The following UTP6 variants were observed in gnomAD, a reference collection of about 807,000 sequenced individuals.
UTP6 encodes U3 small nucleolar RNA-associated protein 6 homolog.
UTP6 carries 60 observed loss-of-function variants against 96.5 expected under a neutral mutation model. The ratio of observed to expected loss-of-function variants is 0.62; its 90% CI spans 0.51 to 0.77. The LOEUF is 0.77. UTP6 is among the 30% of genes least tolerant of loss of function. The probability of loss-of-function intolerance (pLI) is 0.00; values close to 1 mark genes in which losing one functional copy is unlikely to be tolerated. For synonymous variants in UTP6, 215 were observed against 240.1 expected (o/e 0.90, Z 0.96); for missense variants, 637 against 706.5 (o/e 0.90, Z 1.12).
At position 31,868,093 on chromosome 17, in the gene UTP6, A is replaced by G. The variant is rs772231800; in HGVS notation, c.1516T>C (p.Phe506Leu). Residue 506 changes from phenylalanine (F) to leucine (L), a missense_variant, in exon 17 of 19, where the codon TTT (phenylalanine) becomes CTT (leucine). Transcript: ENST00000261708. Reference sequence around the variant, plus strand: ...ATTTTCCTGAAAAAGTCAACTGAAAATGGTCGGCTCTCCTGTAAACTAAAA... The same window carrying G: ...ATTTTCCTGAAAAAGTCAACTGAAAGTGGTCGGCTCTCCTGTAAACTAAAA... ...VFKSLQESRPFSVDFFRKMIQ... is the reference protein window; with the variant it reads ...VFKSLQESRPLSVDFFRKMIQ... The G allele has an allele frequency of 1.2e-6, 2 of 1,613,446 alleles. No homozygotes were observed. Among genetic ancestry groups the G allele is most frequent in the South Asian group, 2.2e-5 (2 of 91,056 alleles).
In UTP6 at chr17:31,892,271, G is replaced by A. The variant is rs1784896844; in HGVS notation, c.413C>T (p.Ser138Phe). Reference sequence around the variant, plus strand: ...AGATTTCACCATACCTGGTTTGTTGGAATGAATCGCCAACATGGCAGAGAA... The same window carrying A: ...AGATTTCACCATACCTGGTTTGTTGAAATGAATCGCCAACATGGCAGAGAA... ...KVFSAMLAIH[S>F]NKPALWIMAA... Residue 138 changes from serine (S) to phenylalanine (F), a missense_variant, in exon 6 of 19, where the codon TCC becomes TTC. Transcript: ENST00000261708. 1 of 1,614,006 alleles carries A rather than the reference G, an allele frequency of 6.2e-7. No individual in the cohort carries two copies. The highest frequency in any genetic ancestry group is 1.1e-5 in the South Asian group (1 of 91,078).
Position 31,880,747 on chromosome 17 carries a change from C to G in UTP6, c.793G>C (p.Ala265Pro). 5 of 1,614,066 alleles carry G rather than the reference C, an allele frequency of 3.1e-6. No individual in the cohort carries two copies. The highest frequency in any genetic ancestry group is 4.2e-6 in the Non-Finnish European group (5 of 1,180,006). The stretch of plus-strand genomic sequence containing the variant: ...GTGAGAGGATCATCTGTGTGTAGAG[C>G]CTGAAGGCTGAAAAATACAATTTAC... ...LQKEIYDDLQ[A>P]LHTDDPLTWD... Residue 265 changes from alanine (A) to proline (P), a missense_variant, in exon 11 of 19, where the codon GCT becomes CCT. Coordinates refer to ENST00000261708, the MANE Select transcript of UTP6 (RefSeq NM_018428.3).
At chr17:31,892,863 T>C in intron 4 of UTP6, 69 bp from the exon 5 acceptor site, 1 of 1,586,648 alleles carries the variant, frequency 6.3e-7, no homozygotes, top group East Asian at 2.3e-5. Flanking sequence ...TTGCATTAAT[T>C]AATTTTGCTA....
intron 13 of UTP6, among the ~76,000 whole-genome samples, chr17:31,875,799 G>A (rs1275153774): frequency 3.3e-5 from 5 of 149,428 alleles, no homozygotes; most frequent in Admixed American, 6.7e-5. Context: ...CTCCAACCTC[G>A]GCGACAGAGC....
At chr17:31,884,397 A>T (rs1373540336) in intron 10 of UTP6, 27 bp downstream of exon 10, 2 of 1,550,830 alleles carry the variant, frequency 1.3e-6, no homozygotes, top group African/African-American at 2.7e-5. Flanking sequence ...AAATAGATAT[A>T]TTCACCTTTC....
intron 9 of UTP6, 111 bp downstream of exon 9, chr17:31,885,869 T>C: frequency 1.1e-6 from 1 of 871,218 alleles, no homozygotes; most frequent in Non-Finnish European, 1.8e-6. Context: ...ACACTATTCC[T>C]ACAGAGTTTT....
rs762903678 is a variant in UTP6, at chr17:31,862,155, G to A, written c.*1204C>T. The A allele has an allele frequency of 3.9e-5, 6 of 152,100 alleles. No individual in the cohort carries two copies. The highest frequency in any genetic ancestry group is 2.1e-4 in the South Asian group (1 of 4,826). The allele number at this position is 152,100 out of a possible 1,614,324, so 9.4% of individuals were successfully genotyped here. ...CTAAAAATACAAAAATTGGCTGGGC[G>A]CGGTGGCGGGTGCCTGTAATCCCAC... On this transcript the variant is annotated 3_prime_UTR_variant, in exon 19 of 19. Coordinates refer to ENST00000261708, the MANE Select transcript of UTP6 (RefSeq NM_018428.3).
At chr17:31,897,619 T>C (rs967438343) in intron 2 of UTP6, among the ~76,000 whole-genome samples, 1 of 152,002 alleles carries the variant, frequency 6.6e-6, no homozygotes, top group African/African-American at 2.4e-5. Context: ...GGCTAATTTT[T>C]GTATTTTTAG....
At chr17:31,885,915 A>G (rs966364676) in intron 9 of UTP6, 65 bp downstream of exon 9, 8 of 1,451,356 alleles carry the variant, frequency 5.5e-6, no homozygotes, top group Non-Finnish European at 7.6e-6. Context: ...AAACTAGCTA[A>G]AGATCTTCAT....
At chr17:31,871,904 A>C (rs1218174054) in intron 16 of UTP6, among the ~76,000 whole-genome samples, 8 of 151,396 alleles carry the variant, frequency 5.3e-5, no homozygotes, top group African/African-American at 1.9e-4. Flanking sequence ...AGAAAAAAAA[A>C]ATATTTAGGC....
At chr17:31,889,495 ATT>A (rs375193627) in intron 6 of UTP6, 92 bp from the exon 7 acceptor site, 26,218 of 523,482 alleles carry the variant, frequency 0.05, no homozygotes, top group South Asian at 0.071. Context: ...TACTCGCACA[ATT>A]TTTTTTTTTT....
Position 31,901,618 on chromosome 17 carries a change from T to C in UTP6, c.10A>G (p.Ile4Val). The part of the protein sequence containing the change: MAE[I>V]IQERIEDRLP... Reference sequence around the variant, plus strand: ...CGATCTTCTATGCGTTCCTGAATTATCTCTGCCATGAGGTCCGAGGTCTAC... The same window carrying C: ...CGATCTTCTATGCGTTCCTGAATTACCTCTGCCATGAGGTCCGAGGTCTAC... Residue 4 changes from isoleucine to valine, a missense_variant, in exon 1 of 19, where the codon ATA (isoleucine) becomes GTA (valine). Ile to Val is a conservative substitution (Grantham distance 29). Coordinates refer to ENST00000261708, the MANE Select transcript of UTP6 (RefSeq NM_018428.3). 6.2e-7 allele frequency: 1 copy of C among 1,613,842 alleles called. No homozygotes were observed. Among genetic ancestry groups the C allele is most frequent in the Non-Finnish European group, 8.5e-7 (1 of 1,180,038 alleles).
rs572020731 is a variant in UTP6, at chr17:31,876,182, G to A, written c.1126-769C>T. 1.5e-4 allele frequency among the ~76,000 whole-genome samples: 23 copies of A among 151,820 alleles called. No homozygotes were observed. In the South Asian group the frequency reaches 4.8e-3, roughly 32 times the overall value. On this transcript the variant is annotated intron_variant, in intron 13 of 18. Transcript: ENST00000261708. ...CTCCCGAGTAGCTGGGACGACAGGC[G>A]CCCATCGCCACGCCTGGTTAATTTT...
rs2142281306 is a variant in UTP6 at position 31,861,002 on chromosome 17, A to G, written c.*2357T>C. Reference sequence around the variant, plus strand: ...TGTTGGCAAAATTAACTGCTTGGGGAAAAAGAGTTGTTCTCAGCACCAGGA... The same window carrying G: ...TGTTGGCAAAATTAACTGCTTGGGGGAAAAGAGTTGTTCTCAGCACCAGGA... On this transcript the variant is annotated 3_prime_UTR_variant, in exon 19 of 19. Transcript: ENST00000261708. The G allele has an allele frequency of 6.6e-6, 1 of 152,292 alleles. No homozygotes were observed. The highest frequency in any genetic ancestry group is 2.1e-4 in the South Asian group (1 of 4,828). 9.4% of individuals were successfully genotyped at this position (152,292 alleles called of 1,614,324 possible). A position where few individuals can be genotyped will look rare whatever the true frequency, so the allele number is the denominator to read the frequency against.
chr17:31,884,695 T>G (rs903907118), intron 9 of UTP6, among the ~76,000 whole-genome samples, 190 bp from the exon 10 acceptor site: 1 of 150,758 alleles, frequency 6.6e-6, no homozygotes, highest in Non-Finnish European at 1.5e-5. Context: ...AAGCTATTGT[T>G]AATCTTTGGA....
At chr17:31,895,447 A>G (rs930523754) in intron 2 of UTP6, among the ~76,000 whole-genome samples, 4 of 152,186 alleles carry the variant, frequency 2.6e-5, no homozygotes, top group Non-Finnish European at 5.9e-5. Flanking sequence ...ATTCCCAAAC[A>G]TGACTTTGGA....
chr17:31,881,183 A>AT (rs1910815956), intron 10 of UTP6, among the ~76,000 whole-genome samples: 1 of 151,940 alleles, frequency 6.6e-6, no homozygotes, highest in Admixed American at 6.6e-5. Context: ...AAAAAAAAAA[A>AT]ATATATTTCC....
chr17:31,881,267 CT>C (rs202102116), intron 10 of UTP6, among the ~76,000 whole-genome samples: 12,699 of 132,818 alleles, frequency 0.096, 737 homozygotes, highest in African/African-American at 0.24. Context: ...CACTTTTTCA[CT>C]TTTTTTTTTT....
At chr17:31,889,430 A>G (rs71375479) in intron 6 of UTP6, 27 bp from the exon 7 acceptor site, 4 of 1,534,882 alleles carry the variant, frequency 2.6e-6, no homozygotes, top group Non-Finnish European at 3.6e-6. Flanking sequence ...ATCAGATTTC[A>G]TTTCAATAAA....
Sources: gnomAD v4.1 joint callset for allele counts (sites outside exome capture counted in the v4.1 genomes callset) on GRCh38, gnomAD v4.1.1 for gene constraint, MANE v1.5 for transcripts, NCBI Gene and HGNC (gene_info 2026-07-23, HGNC 2026-07-21) for gene names.